The following EPHA4 variants were observed in gnomAD, a reference collection of about 807,000 sequenced individuals.
EPHA4 encodes the protein ephrin type-A receptor 4.
EPHA4 carries 19 observed loss-of-function variants against 108.3 expected under a neutral mutation model. The observed-to-expected ratio is 0.18, with a 90% confidence interval of 0.12 to 0.26. The LOEUF is 0.26. Among genes scored for constraint, EPHA4 ranks in the 10% least tolerant of loss-of-function variants. The pLI is 1.00. For synonymous variants in EPHA4, 449 were observed against 455.5 expected (o/e 0.99, Z 0.18); for missense variants, 917 against 1,254.0 (o/e 0.73, Z 4.06).
chr2:221,535,813 T>C (rs1693652733), intron 3 of EPHA4, among the ~76,000 whole-genome samples: 1 of 152,130 alleles, frequency 6.6e-6, no homozygotes, highest in Non-Finnish European at 1.5e-5. Context: ...CCAACTCCAG[T>C]AGGGAAAGAA....
At chr2:221,474,263 G>A (rs1249950770) in intron 5 of EPHA4, among the ~76,000 whole-genome samples, 3 of 151,962 alleles carry the variant, frequency 2.0e-5, no homozygotes, top group African/African-American at 4.8e-5. Context: ...AGACACTGGT[G>A]CCACACACAA....
At chr2:221,548,160 C>G (rs1694052155) in intron 3 of EPHA4, among the ~76,000 whole-genome samples, 1 of 152,060 alleles carries the variant, frequency 6.6e-6, no homozygotes. Context: ...TGAGTTCTCC[C>G]TCAGTTAGTT....
chr2:221,541,614 C>A (rs1228961175), intron 3 of EPHA4, among the ~76,000 whole-genome samples: 1 of 152,108 alleles, frequency 6.6e-6, no homozygotes, highest in Non-Finnish European at 1.5e-5. Flanking sequence ...GATGACAGTA[C>A]TCAACCCAAG....
At chr2:221,485,795 C>T (rs917276199) in intron 4 of EPHA4, among the ~76,000 whole-genome samples, 81 of 152,158 alleles carry the variant, frequency 5.3e-4, no homozygotes, top group African/African-American at 1.9e-3. Flanking sequence ...GTATTCTATT[C>T]TCAAGACATT....
At chr2:221,453,155 C>T (rs1293348534) in intron 8 of EPHA4, among the ~76,000 whole-genome samples, 1 of 152,210 alleles carries the variant, frequency 6.6e-6, no homozygotes, top group Non-Finnish European at 1.5e-5. Context: ...ATGGTCAAGA[C>T]ACAAGGCAAG....
intron 5 of EPHA4, among the ~76,000 whole-genome samples, chr2:221,481,443 A>G (rs1019262478): frequency 5.3e-5 from 8 of 151,408 alleles, no homozygotes; most frequent in African/African-American, 1.9e-4. Context: ...CGAGGTCAGG[A>G]GTTCGAGACC....
At chr2:221,521,551 G>A (rs1693165174) in intron 3 of EPHA4, among the ~76,000 whole-genome samples, 1 of 152,070 alleles carries the variant, frequency 6.6e-6, no homozygotes, top group South Asian at 2.1e-4. Context: ...GCAGAGATTT[G>A]GAAAATATCT....
At chr2:221,525,285 G>A (rs566985727) in intron 3 of EPHA4, among the ~76,000 whole-genome samples, 3 of 152,288 alleles carry the variant, frequency 2.0e-5, no homozygotes, top group Admixed American at 6.5e-5. Context: ...GAAAACAGGC[G>A]TGAGACTCAA....
intron 3 of EPHA4, 85 bp from the exon 4 acceptor site, chr2:221,501,257 G>C: frequency 8.3e-7 from 1 of 1,209,322 alleles, no homozygotes; most frequent in Non-Finnish European, 1.1e-6. Context: ...CCTTGTTTCA[G>C]AAGAAGGGAG....
chr2:221,516,237 G>C (rs528507011), intron 3 of EPHA4, among the ~76,000 whole-genome samples: 1 of 152,012 alleles, frequency 6.6e-6, no homozygotes, highest in African/African-American at 2.4e-5. Context: ...AACAATTTAA[G>C]GTTTCTAGGG....
At chr2:221,496,259 C>T (rs1276390959) in intron 4 of EPHA4, among the ~76,000 whole-genome samples, 4 of 152,112 alleles carry the variant, frequency 2.6e-5, no homozygotes, top group Admixed American at 2.0e-4. Flanking sequence ...GTGATAGAAA[C>T]GTTCTCTGGG....
intron 3 of EPHA4, among the ~76,000 whole-genome samples, chr2:221,563,432 CT>C (rs1694525465): frequency 6.6e-6 from 1 of 152,228 alleles, no homozygotes; most frequent in African/African-American, 2.4e-5. Flanking sequence ...TCAATCAAGG[CT>C]GTTTCTTCAG....
At chr2:221,568,891 C>A in intron 1 of EPHA4, 106 bp from the exon 2 acceptor site, 1 of 762,718 alleles carries the variant, frequency 1.3e-6, no homozygotes, top group Non-Finnish European at 2.0e-6. Context: ...TGTGCATATC[C>A]AACACTGATC....
At chr2:221,428,147 T>C (rs1689967395) in intron 15 of EPHA4, among the ~76,000 whole-genome samples, 1 of 152,250 alleles carries the variant, frequency 6.6e-6, no homozygotes, top group African/African-American at 2.4e-5. Flanking sequence ...GCCAATAGTT[T>C]GCATTTACTT....
intron 3 of EPHA4, among the ~76,000 whole-genome samples, chr2:221,547,449 T>A (rs1694030133): frequency 6.6e-6 from 1 of 152,166 alleles, no homozygotes; most frequent in Non-Finnish European, 1.5e-5. Flanking sequence ...TTACTTAAGT[T>A]GAAAAGAAAA....
rs1007231909 is a variant in EPHA4, at chr2:221,530,541, C to T, written c.824-29369G>A. Among the ~76,000 whole-genome samples, 4 of 152,226 alleles carry T rather than the reference C, an allele frequency of 2.6e-5. No individual in the cohort carries two copies. In the South Asian group the frequency reaches 8.3e-4, roughly 31 times the overall value. ...GGCATGAAGGTAGAGGTGGCTCTGC[C>T]ACAGGGCAGCACCCTGCAAGAAGTA... On this transcript the variant is annotated intron_variant, in intron 3 of 17. Transcript: ENST00000281821.
chr2:221,439,956 C>T (rs577884367), intron 11 of EPHA4, among the ~76,000 whole-genome samples: 66 of 152,326 alleles, frequency 4.3e-4, no homozygotes, highest in African/African-American at 1.4e-3. Context: ...CCTAGTCGGA[C>T]TCTTGGCACC....
At chr2:221,475,158 G>A (rs561902919) in intron 5 of EPHA4, among the ~76,000 whole-genome samples, 27 of 152,086 alleles carry the variant, frequency 1.8e-4, no homozygotes, top group Non-Finnish European at 1.9e-4. Flanking sequence ...GGCGTGAGCC[G>A]CTGCACCAGG....
rs144159470 is a variant in EPHA4, at chr2:221,428,687, C to G, written c.2690+1271G>C. Among the ~76,000 whole-genome samples, 151 of 152,240 alleles carry G rather than the reference C, an allele frequency of 9.9e-4. 3 individuals carry two copies. The East Asian group carries it at 0.028, about 28-fold the overall frequency. Reference sequence around the variant, plus strand: ...TTCACCCTCCTGGAGAACAGAAGAACAAGAAATAGCCTCACAATAGTAGGA... The same window carrying G: ...TTCACCCTCCTGGAGAACAGAAGAAGAAGAAATAGCCTCACAATAGTAGGA... On this transcript the variant is annotated intron_variant, in intron 15 of 17. Transcript: ENST00000281821.
Sources: allele counts gnomAD v4.1 joint callset (sites outside exome capture counted in the v4.1 genomes callset), GRCh38; gene constraint gnomAD v4.1.1; transcripts MANE v1.5; gene names NCBI Gene and HGNC (gene_info 2026-07-23, HGNC 2026-07-21).